The following CCDC171 variants were observed in gnomAD, a reference collection of about 807,000 sequenced individuals.
The protein encoded by CCDC171 is coiled-coil domain containing 171.
CCDC171 carries 177 observed loss-of-function variants against 168.2 expected under a neutral mutation model. The ratio of observed to expected loss-of-function variants is 1.05; its 90% CI spans 0.93 to 1.19. The LOEUF (loss-of-function observed/expected upper bound fraction) is 1.19, where lower values mean the gene tolerates loss of function less well. Among genes scored for constraint, CCDC171 ranks in the 50% most tolerant of loss-of-function variants. CCDC171 has a pLI of 0.00. For missense variants in CCDC171, 1,991 were observed against 1,539.0 expected, an observed-to-expected ratio of 1.29 and a Z score of -4.91; for synonymous variants, 687 against 540.8, an observed-to-expected ratio of 1.27 and a Z score of -3.75.
chr9:16,083,457 C>T, the CCDC171 span, among the ~76,000 whole-genome samples: 2 of 152,118 alleles, frequency 1.3e-5, no homozygotes, highest in African/African-American at 4.8e-5. Context: ...AATATTTCCT[C>T]TTGAAATTGT....
chr9:16,074,369 A>G, the CCDC171 span, among the ~76,000 whole-genome samples: 2 of 152,196 alleles, frequency 1.3e-5, no homozygotes, highest in African/African-American at 4.8e-5. Context: ...GACAGAGTTA[A>G]ATGTACATTC....
intron 6 of CCDC171, among the ~76,000 whole-genome samples, chr9:15,605,708 A>AT (rs2043179409): frequency 6.6e-6 from 1 of 151,506 alleles, no homozygotes. Flanking sequence ...GAAAAAAAAA[A>AT]GTCCCTAATT....
At chr9:15,872,467 T>C (rs2062081371) in intron 23 of CCDC171, among the ~76,000 whole-genome samples, 1 of 152,012 alleles carries the variant, frequency 6.6e-6, no homozygotes, top group South Asian at 2.1e-4. Flanking sequence ...CGAACTGTGT[T>C]GTGGATTATA....
intron 25 of CCDC171, among the ~76,000 whole-genome samples, chr9:15,939,428 T>C (rs576311843): frequency 6.6e-6 from 1 of 152,014 alleles, no homozygotes; most frequent in East Asian, 1.9e-4. Flanking sequence ...TATAATCACA[T>C]AGTTTGTTTC....
chr9:15,718,369 A>G (rs909891107), intron 11 of CCDC171, among the ~76,000 whole-genome samples: 1 of 152,250 alleles, frequency 6.6e-6, no homozygotes, highest in African/African-American at 2.4e-5. Context: ...TCTGGACAGC[A>G]TCTCTGGATC....
intron 10 of CCDC171, among the ~76,000 whole-genome samples, chr9:15,689,283 T>C (rs1050226641): frequency 6.6e-6 from 1 of 152,236 alleles, no homozygotes; most frequent in African/African-American, 2.4e-5. Context: ...ACTCCCCAGA[T>C]TGATGGTTTA....
chr9:15,684,592 G>T (rs896114927), intron 10 of CCDC171, among the ~76,000 whole-genome samples: 6 of 151,930 alleles, frequency 3.9e-5, no homozygotes, highest in African/African-American at 1.5e-4. Context: ...TACTCATGTT[G>T]AGTGAGCAAA....
At chr9:15,931,581 T>C (rs1339876958) in intron 25 of CCDC171, among the ~76,000 whole-genome samples, 1 of 150,720 alleles carries the variant, frequency 6.6e-6, no homozygotes. Context: ...GTCTCTTTAC[T>C]CTGTCCATCA....
chr9:15,984,593 G>A (rs1198176552), intron 3 of CCDC171, among the ~76,000 whole-genome samples: 1 of 151,924 alleles, frequency 6.6e-6, no homozygotes, highest in Non-Finnish European at 1.5e-5. Context: ...GCGTCATGGG[G>A]TTATTTTAAA....
rs552354602 is a variant in CCDC171, at chr9:15,894,666, A to G, written c.3600+20003A>G. On this transcript the variant is annotated intron_variant, in intron 24 of 25. Coordinates refer to ENST00000380701, the MANE Select transcript of CCDC171 (RefSeq NM_173550.4). ...ACTTGAACACAGTGCACATAGGCCCATTTTAGAGGCTTTGTGCTTGGTGGT... is the reference window on the plus strand; with the variant it reads ...ACTTGAACACAGTGCACATAGGCCCGTTTTAGAGGCTTTGTGCTTGGTGGT... 4.6e-5 allele frequency among the ~76,000 whole-genome samples: 7 copies of G among 152,028 alleles called. No individual in the cohort carries two copies. In the South Asian group the frequency reaches 1.2e-3, roughly 27 times the overall value.
chr9:16,017,155 A>G (rs1318470032), intron 3 of CCDC171, among the ~76,000 whole-genome samples: 1 of 152,226 alleles, frequency 6.6e-6, no homozygotes, highest in African/African-American at 2.4e-5. Context: ...TTAATTTTAA[A>G]AATTAAGGAG....
intron 7 of CCDC171, among the ~76,000 whole-genome samples, chr9:15,653,283 G>C (rs540588238): frequency 6.6e-6 from 1 of 152,040 alleles, no homozygotes; most frequent in African/African-American, 2.4e-5. Context: ...GGGACTACAG[G>C]TGCACATCAC....
intron 18 of CCDC171, among the ~76,000 whole-genome samples, chr9:15,771,861 G>T (rs13283620): frequency 0.45 from 68,368 of 151,892 alleles, 15,686 homozygotes; most frequent in Non-Finnish European, 0.49. Flanking sequence ...CGGGGCAGAG[G>T]CTGTCTCTGT....
At chr9:15,809,902 A>G (rs10962169) in intron 21 of CCDC171, among the ~76,000 whole-genome samples, 4 of 151,882 alleles carry the variant, frequency 2.6e-5, no homozygotes, top group Admixed American at 2.6e-4. Flanking sequence ...TTACAGAGAG[A>G]TGATTGGTCC....
At chr9:16,071,910 C>T in the CCDC171 span, among the ~76,000 whole-genome samples, 1 of 151,996 alleles carries the variant, frequency 6.6e-6, no homozygotes, top group East Asian at 1.9e-4. Context: ...TTTAACTCCC[C>T]CAAATCCCTG....
the CCDC171 span, among the ~76,000 whole-genome samples, chr9:16,086,194 A>C: frequency 6.6e-6 from 1 of 152,146 alleles, no homozygotes. Flanking sequence ...GGGTGTATGC[A>C]TCCAGGAATT....
At chr9:15,964,859 C>T (rs373223938) in intron 25 of CCDC171, among the ~76,000 whole-genome samples, 12 of 152,274 alleles carry the variant, frequency 7.9e-5, no homozygotes, top group East Asian at 1.9e-4. Flanking sequence ...CTCCTGGGTT[C>T]GAGCGATTCT....
chr9:16,058,996 C>G (rs1586869858), intron 1 of CCDC171, among the ~76,000 whole-genome samples: 3 of 152,192 alleles, frequency 2.0e-5, no homozygotes, highest in Admixed American at 2.0e-4. Context: ...TTCCTGTCCT[C>G]CCTTCCAAGA....
intron 24 of CCDC171, among the ~76,000 whole-genome samples, chr9:15,893,969 A>G (rs923611272): frequency 6.6e-6 from 1 of 152,196 alleles, no homozygotes; most frequent in Non-Finnish European, 1.5e-5. Context: ...ATAATGATAC[A>G]TGCACACGTA....
Sources: allele counts gnomAD v4.1 joint callset (sites outside exome capture counted in the v4.1 genomes callset), GRCh38; gene constraint gnomAD v4.1.1; transcripts MANE v1.5; gene names NCBI Gene and HGNC (gene_info 2026-07-23, HGNC 2026-07-21).